Variants in COG5 observed in about 807,000 individuals in gnomAD.
COG5 encodes the protein conserved oligomeric Golgi complex subunit 5.
In COG5, 86 loss-of-function variants were observed where a neutral mutation model predicts 110.4. That is an observed-to-expected ratio of 0.78 (90% CI 0.65 to 0.93). The LOEUF (loss-of-function observed/expected upper bound fraction) is 0.93, where lower values mean the gene tolerates loss of function less well. COG5 is among the 40% of genes least tolerant of loss of function. The pLI is 0.00. For missense variants in COG5, 1,077 were observed against 987.0 expected, an observed-to-expected ratio of 1.09 and a Z score of -1.22; for synonymous variants, 360 against 334.6, an observed-to-expected ratio of 1.08 and a Z score of -0.83.
intron 21 of COG5, 186 bp downstream of exon 21, chr7:107,210,340 T>C (rs1799071537): frequency 4.1e-5 from 59 of 1,434,000 alleles, no homozygotes; most frequent in Non-Finnish European, 4.9e-5. Flanking sequence ...AAGCAAAAGA[T>C]GTTGTGGCCA....
intron 7 of COG5, among the ~76,000 whole-genome samples, chr7:107,400,896 G>A (rs1012156562): frequency 3.3e-5 from 5 of 152,100 alleles, no homozygotes; most frequent in African/African-American, 1.2e-4. Flanking sequence ...ATACAGAAAT[G>A]CCGTATGGTA....
At chr7:107,407,653 C>A (rs1791956456) in intron 7 of COG5, among the ~76,000 whole-genome samples, 2 of 147,812 alleles carry the variant, frequency 1.4e-5, no homozygotes, top group Admixed American at 6.8e-5. Flanking sequence ...TATTATAACC[C>A]TAAATAGAGG....
chr7:107,303,076 T>G (rs1019211890), intron 11 of COG5, among the ~76,000 whole-genome samples: 3 of 152,094 alleles, frequency 2.0e-5, no homozygotes, highest in African/African-American at 7.2e-5. Context: ...TCTTAAATAA[T>G]AGAATGAAGT....
At chr7:107,378,055 G>A (rs954393873) in intron 7 of COG5, among the ~76,000 whole-genome samples, 2 of 152,180 alleles carry the variant, frequency 1.3e-5, no homozygotes, top group Non-Finnish European at 2.9e-5. Context: ...CCTCTGGGAC[G>A]AAGCTTTCAG....
chr7:107,460,220 C>T (rs1048001845), intron 6 of COG5, among the ~76,000 whole-genome samples: 13 of 152,030 alleles, frequency 8.6e-5, no homozygotes, highest in South Asian at 2.1e-4. Flanking sequence ...CCAGGCAACA[C>T]GGTGAGACCC....
intron 16 of COG5, among the ~76,000 whole-genome samples, chr7:107,256,439 T>C (rs1019340626): frequency 6.6e-6 from 1 of 152,164 alleles, no homozygotes; most frequent in African/African-American, 2.4e-5. Context: ...ACTGCTCTAC[T>C]GGAATAATAC....
intron 21 of COG5, chr7:107,209,271 C>G: frequency 1.0e-6 from 1 of 981,156 alleles, no homozygotes; most frequent in Non-Finnish European, 1.2e-6. Flanking sequence ...ATAAGGATGA[C>G]AGAGGAGTTG....
At chr7:107,204,477 C>CTATTTAA (rs2116102325) in intron 21 of COG5, among the ~76,000 whole-genome samples, 1 of 152,142 alleles carries the variant, frequency 6.6e-6, no homozygotes, top group East Asian at 1.9e-4. Context: ...AATTATTGGT[C>CTATTTAA]TATTTAAGTA....
Position 107,357,511 on chromosome 7 carries a change from G to A in COG5, c.1026+4522C>T, listed in dbSNP as rs185089254. On this transcript the variant is annotated intron_variant, in intron 10 of 21. Coordinates refer to ENST00000297135, the MANE Select transcript of COG5 (RefSeq NM_006348.5). ...GCATAGGAATATATTCTTAAATAGC[G>A]TGAGAATAGTGTCTGAAACAGCAAT... 2.7e-3 allele frequency among the ~76,000 whole-genome samples: 410 copies of A among 152,176 alleles called. 3 individuals carry two copies. Among genetic ancestry groups the A allele is most frequent in the Non-Finnish European group, 4.8e-3 (327 of 68,006 alleles).
intron 11 of COG5, among the ~76,000 whole-genome samples, chr7:107,305,879 C>G (rs117153124): frequency 0.012 from 1,839 of 152,058 alleles, 23 homozygotes; most frequent in Non-Finnish European, 0.02. Flanking sequence ...CGTATGCAAC[C>G]TAATCACAGG....
intron 17 of COG5, among the ~76,000 whole-genome samples, chr7:107,242,837 T>C (rs577432864): frequency 1.2e-4 from 19 of 152,084 alleles, no homozygotes; most frequent in Non-Finnish European, 2.2e-4. Flanking sequence ...CTAACATGCA[T>C]CTGTCTGGGG....
intron 14 of COG5, among the ~76,000 whole-genome samples, chr7:107,273,446 G>A (rs1002665551): frequency 1.3e-5 from 2 of 152,186 alleles, no homozygotes; most frequent in Non-Finnish European, 2.9e-5. Flanking sequence ...ACACATGAAG[G>A]AATTAAATTA....
At chr7:107,221,819 C>T (rs1354799701) in intron 19 of COG5, among the ~76,000 whole-genome samples, 1 of 151,060 alleles carries the variant, frequency 6.6e-6, no homozygotes, top group African/African-American at 2.4e-5. Context: ...GATACATTTT[C>T]TTCCTTCTGA....
At position 107,496,667 on chromosome 7, in the gene COG5, AC is replaced by A. The variant is rs1304031182; in HGVS notation, c.538+30569del. Among the ~76,000 whole-genome samples, 348 of 150,764 alleles carry A rather than the reference AC, an allele frequency of 2.3e-3. 10 individuals carry two copies. Among genetic ancestry groups the A allele is most frequent in the Non-Finnish European group, 2.8e-3 (188 of 67,532 alleles). ...AGTGAGACTCTGTCTCAAAAAAAAA[AC>A]AAAAAACAAAAAACAAAAAAACAAT... On this transcript the variant is annotated intron_variant, in intron 6 of 21. Transcript: ENST00000297135.
chr7:107,554,372 T>G, intron 2 of COG5, 30 bp from the exon 3 acceptor site: 1 of 1,600,156 alleles, frequency 6.2e-7, no homozygotes. Flanking sequence ...GATTAGCTTT[T>G]GCTCTGTTAG....
At chr7:107,213,235 A>T (rs915338671) in intron 19 of COG5, among the ~76,000 whole-genome samples, 39 of 152,292 alleles carry the variant, frequency 2.6e-4, no homozygotes, top group African/African-American at 9.1e-4. Context: ...ACTAGCCTCT[A>T]TGCCCAGCCT....
intron 12 of COG5, among the ~76,000 whole-genome samples, chr7:107,285,768 C>T (rs1264864148): frequency 6.6e-6 from 1 of 151,022 alleles, no homozygotes; most frequent in Non-Finnish European, 1.5e-5. Flanking sequence ...ACTCAGGAGA[C>T]TGAGAGAGAA....
chr7:107,337,407 A>G (rs1163671737), intron 10 of COG5, among the ~76,000 whole-genome samples: 2 of 152,230 alleles, frequency 1.3e-5, no homozygotes, highest in Non-Finnish European at 2.9e-5. Context: ...TTGAAGGATG[A>G]ATGGATAAAG....
intron 6 of COG5, among the ~76,000 whole-genome samples, chr7:107,515,522 G>T (rs1030618017): frequency 6.6e-6 from 1 of 152,140 alleles, no homozygotes; most frequent in African/African-American, 2.4e-5. Flanking sequence ...ATTTCAGAAG[G>T]ATGAGTTGTC....
Sources: allele counts gnomAD v4.1 joint callset (sites outside exome capture counted in the v4.1 genomes callset), GRCh38; gene constraint gnomAD v4.1.1; transcripts MANE v1.5; gene names NCBI Gene and HGNC (gene_info 2026-07-23, HGNC 2026-07-21).